PLA2G7: variants seen among roughly 807,000 people sequenced by gnomAD.
PLA2G7 encodes the protein phospholipase A2 group VII.
In PLA2G7, 63 loss-of-function variants were observed where a neutral mutation model predicts 49.6. The observed-to-expected ratio is 1.27, with a 90% CI of 1.04 to 1.57. The LOEUF (loss-of-function observed/expected upper bound fraction) is 1.57, where lower values mean the gene tolerates loss of function less well. Among genes scored for constraint, PLA2G7 ranks in the 40% most tolerant of loss-of-function variants. The pLI is 0.00. For missense variants in PLA2G7, 596 were observed against 521.2 expected (o/e 1.14, Z -1.40); for synonymous variants, 193 against 169.9 (o/e 1.14, Z -1.06).
chr6:46,713,655 C>A (rs905799654), intron 5 of PLA2G7, among the ~76,000 whole-genome samples: 74 of 152,278 alleles, frequency 4.9e-4, no homozygotes, highest in African/African-American at 1.3e-3. Context: ...CTGAGTTTTA[C>A]AATCCCTTGA....
chr6:46,734,435 A>G (rs1383663396), intron 1 of PLA2G7, among the ~76,000 whole-genome samples: 3 of 17,506 alleles, frequency 1.7e-4, no homozygotes, highest in African/African-American at 8.0e-4. Flanking sequence ...AGAGAGAGAG[A>G]GAGAGAGAGA....
chr6:46,713,623 T>C (rs1222301534), intron 5 of PLA2G7, among the ~76,000 whole-genome samples: 1 of 152,182 alleles, frequency 6.6e-6, no homozygotes, highest in Non-Finnish European at 1.5e-5. Flanking sequence ...TCTTCCCAGC[T>C]AAAAGCCATC....
intron 10 of PLA2G7, 56 bp downstream of exon 10, chr6:46,707,935 T>C: frequency 9.1e-7 from 1 of 1,096,320 alleles, no homozygotes; most frequent in Non-Finnish European, 1.4e-6. Context: ...TATCGATTGA[T>C]ATTTACCCAA....
intron 1 of PLA2G7, among the ~76,000 whole-genome samples, chr6:46,725,017 A>G (rs1050786741): frequency 1.3e-5 from 2 of 152,254 alleles, no homozygotes; most frequent in African/African-American, 4.8e-5. Context: ...ATTGTGTTTC[A>G]GAGACAAGAC....
In PLA2G7 at chr6:46,708,116, T is replaced by C; in HGVS notation, c.915A>G (p.Glu305=). The change falls in exon 10 of 12, where the codon GAA becomes GAG. Residue 305 remains glutamate (E), a synonymous_variant. Coordinates refer to ENST00000274793, the MANE Select transcript of PLA2G7 (RefSeq NM_005084.4). ...LDAWMFPLGD[E]VYSRIPQPLF... ...GGGGCTGAGGAATTCTGGAATATAC[T>C]TCATCACCCAGTGGAAACATCCATG... 1 of 1,611,592 alleles carries C rather than the reference T, an allele frequency of 6.2e-7. No individual in the cohort carries two copies. The highest frequency in any genetic ancestry group is 8.5e-7 in the Non-Finnish European group (1 of 1,177,868).
rs1764707196 is a variant in PLA2G7 at position 46,704,280 on chromosome 6, A to G, written c.*280T>C. 5 of 328,554 alleles carry G rather than the reference A, an allele frequency of 1.5e-5. No individual in the cohort carries two copies. The South Asian group carries it at 2.1e-4, about 14-fold the overall frequency. The allele number at this position is 328,554 out of a possible 1,614,324, so 20.4% of individuals were successfully genotyped here. ...AACAGTTTTTAACTTCGACACTGAAAAGGAATCATCTTTAAAATTAAAATT... is the reference window on the plus strand; with the variant it reads ...AACAGTTTTTAACTTCGACACTGAAGAGGAATCATCTTTAAAATTAAAATT... On this transcript the variant is annotated 3_prime_UTR_variant, in exon 12 of 12. Transcript: ENST00000274793.
intron 1 of PLA2G7, among the ~76,000 whole-genome samples, chr6:46,724,942 C>T (rs940774289): frequency 2.0e-5 from 3 of 152,226 alleles, no homozygotes; most frequent in African/African-American, 7.2e-5. Flanking sequence ...ATGCCCTCTC[C>T]TATGGCAACA....
intron 9 of PLA2G7, 139 bp from the exon 10 acceptor site, chr6:46,708,300 T>C: frequency 1.4e-6 from 1 of 727,802 alleles, no homozygotes; most frequent in Admixed American, 2.0e-5. Context: ...TAAAGAGGTA[T>C]CATACTTCAA....
At chr6:46,709,476 T>A (rs140670997) in intron 8 of PLA2G7, 58 bp from the exon 9 acceptor site, 2 of 954,442 alleles carry the variant, frequency 2.1e-6, no homozygotes, top group Admixed American at 1.7e-5. Context: ...GAAGAAATGA[T>A]TTTGTCAATC....
At chr6:46,724,661 C>T (rs1330195793) in intron 1 of PLA2G7, among the ~76,000 whole-genome samples, 1 of 152,182 alleles carries the variant, frequency 6.6e-6, no homozygotes, top group Non-Finnish European at 1.5e-5. Context: ...TCCTTCATGC[C>T]TTCCTTTCCC....
chr6:46,711,126 G>T (rs1765006125), intron 7 of PLA2G7, among the ~76,000 whole-genome samples: 1 of 152,078 alleles, frequency 6.6e-6, no homozygotes, highest in African/African-American at 2.4e-5. Flanking sequence ...GGGTTCTAAG[G>T]CCCATACTCT....
chr6:46,724,986 C>A (rs1392594347), intron 1 of PLA2G7, among the ~76,000 whole-genome samples: 1 of 152,166 alleles, frequency 6.6e-6, no homozygotes, highest in Non-Finnish European at 1.5e-5. Flanking sequence ...TGACACAATC[C>A]CTACTCTCAG....
intron 1 of PLA2G7, among the ~76,000 whole-genome samples, chr6:46,725,804 A>G (rs1765554625): frequency 6.6e-6 from 1 of 152,230 alleles, no homozygotes; most frequent in Non-Finnish European, 1.5e-5. Flanking sequence ...TCTAGGCTCG[A>G]ATACATGCAC....
rs775938605 is a variant in PLA2G7, at chr6:46,722,784, T to C, written c.108A>G (p.Ser36=). The C allele has an allele frequency of 3.2e-6, 5 of 1,578,218 alleles. No homozygotes were observed. The highest frequency in any genetic ancestry group is 1.7e-4 in the Middle Eastern group (1 of 6,002). Residue 36 remains serine (S), a splice_region_variant and synonymous_variant, in exon 2 of 12, where the codon TCA becomes TCG. Coordinates refer to ENST00000274793, the MANE Select transcript of PLA2G7 (RefSeq NM_005084.4). ...YINPVAHMKS[S]AWVNKIQVLM... is the part of the protein sequence containing the mutation. ...ACCTTGAACAAATACACCTCTTACC[T>C]GATGATTTCATATGGGCAACAGGAT...
upstream of PLA2G7, chr6:46,735,453 G>C (rs13206128): frequency 2.0e-5 from 3 of 152,396 alleles, no homozygotes; most frequent in African/African-American, 7.2e-5. Flanking sequence ...TACCGGGGAG[G>C]AGCGTGTGTG....
chr6:46,718,017 C>G (rs1025066916), intron 2 of PLA2G7, among the ~76,000 whole-genome samples: 1 of 152,190 alleles, frequency 6.6e-6, no homozygotes, highest in East Asian at 1.9e-4. Context: ...CGCCCAGCCC[C>G]AAACCTCTAT....
chr6:46,724,449 G>A (rs1437653254), intron 1 of PLA2G7, among the ~76,000 whole-genome samples: 4 of 152,192 alleles, frequency 2.6e-5, no homozygotes, highest in Admixed American at 6.5e-5. Flanking sequence ...GTGTCCCACT[G>A]ACACTAATGA....
chr6:46,725,355 T>C (rs985964109), intron 1 of PLA2G7, among the ~76,000 whole-genome samples: 1 of 151,744 alleles, frequency 6.6e-6, no homozygotes, highest in Non-Finnish European at 1.5e-5. Context: ...CCTCAGCCTC[T>C]CGAGTAGCTG....
chr6:46,714,667 A>G lies in PLA2G7; in HGVS notation c.377-114T>C, dbSNP rs1435020162. 5.5e-6 allele frequency: 4 copies of G among 729,992 alleles called. No individual in the cohort carries two copies. In the South Asian group the frequency reaches 5.8e-5, roughly 11 times the overall value. The allele number at this position is 729,992 out of a possible 1,614,324, so 45.2% of individuals were successfully genotyped here. A position where few individuals can be genotyped will look rare whatever the true frequency, so the allele number is the denominator to read the frequency against. ...CCATCTGATTTATATCTACTTTTTT[A>G]TGGATGAATAGTAGATTCATTAAAA... On this transcript the variant is annotated intron_variant, in intron 4 of 11. Coordinates refer to ENST00000274793, the MANE Select transcript of PLA2G7 (RefSeq NM_005084.4).
Sources: allele counts gnomAD v4.1 joint callset (sites outside exome capture counted in the v4.1 genomes callset), GRCh38; gene constraint gnomAD v4.1.1; transcripts MANE v1.5; gene names NCBI Gene and HGNC (gene_info 2026-07-23, HGNC 2026-07-21).